PRDM14: variants seen among roughly 807,000 people sequenced by gnomAD.
PRDM14 encodes PR domain zinc finger protein 14.
Under a neutral mutation model 48.0 loss-of-function variants are expected in PRDM14, and 16 were observed. The ratio of observed to expected loss-of-function variants is 0.33; its 90% CI spans 0.23 to 0.51. PRDM14 has a LOEUF of 0.51. PRDM14 is among the 20% of genes least tolerant of loss of function. PRDM14 has a pLI of 0.97. For missense variants in PRDM14, 566 were observed against 719.6 expected, an observed-to-expected ratio of 0.79 and a Z score of 2.44; for synonymous variants, 264 against 276.6, an observed-to-expected ratio of 0.95 and a Z score of 0.45.
At chr8:70,056,066 C>T (rs1316279126) in intron 6 of PRDM14, among the ~76,000 whole-genome samples, 1 of 152,220 alleles carries the variant, frequency 6.6e-6, no homozygotes, top group Non-Finnish European at 1.5e-5. Flanking sequence ...GTGTGCTCCA[C>T]ACTGCTAGAA....
At chr8:70,061,505 G>A (rs1463271650) in intron 5 of PRDM14, among the ~76,000 whole-genome samples, 4 of 152,126 alleles carry the variant, frequency 2.6e-5, no homozygotes, top group African/African-American at 4.8e-5. Flanking sequence ...CTGATCCATC[G>A]CCCTGCTCTG....
chr8:70,069,460 A>G lies in PRDM14; in HGVS notation c.401T>C (p.Ile134Thr), dbSNP rs761463257. 3 of 1,578,560 alleles carry G rather than the reference A, an allele frequency of 1.9e-6. No homozygotes were observed. The highest frequency in any genetic ancestry group is 2.2e-5 in the East Asian group (1 of 44,476). Residue 134 changes from isoleucine (I) to threonine (T), a missense_variant, in exon 2 of 8, where the codon ATT becomes ACT. Ile to Thr is a moderately conservative substitution (Grantham distance 89). This residue lies in a region of PRDM14 where 410 missense variants were observed against 424.6 expected (regional missense o/e 0.97). Coordinates refer to ENST00000276594, the MANE Select transcript of PRDM14 (RefSeq NM_024504.4). ...CGGGCCACTCTCGTTGTCGCCACCA[A>G]TGATTTGGTGGCCCAGATCTTCACT... Reference protein sequence around the residue: ...ASSEDLGHQIIGGDNESGPCC... With the variant: ...ASSEDLGHQITGGDNESGPCC...
Position 70,068,215 on chromosome 8 carries a change from C to A in PRDM14, c.912+15G>T. 1 of 1,614,008 alleles carries A rather than the reference C, an allele frequency of 6.2e-7. No homozygotes were observed. The highest frequency in any genetic ancestry group is 8.5e-7 in the Non-Finnish European group (1 of 1,179,872). On this transcript the variant is annotated intron_variant, in intron 4 of 7. Coordinates refer to ENST00000276594, the MANE Select transcript of PRDM14 (RefSeq NM_024504.4). ...GCCCCATTTTCAGCAGCAGACCCAC[C>A]AGAAACAGATTTACCTCCCACATCA...
chr8:70,066,696 G>A (rs2131042158), intron 4 of PRDM14, among the ~76,000 whole-genome samples, 191 bp from the exon 5 acceptor site: 1 of 152,088 alleles, frequency 6.6e-6, no homozygotes, highest in East Asian at 1.9e-4. Context: ...TTAGTTTAAG[G>A]ACACCTCTCT....
In PRDM14 at chr8:70,056,626, T is replaced by C. The variant is rs535908966; in HGVS notation, c.1387-1225A>G. Reference sequence around the variant, plus strand: ...CCTCCCGAGTGGCTGGGACCACAGGTGCGCACCACATGCCCATCTCTACAA... The same window carrying C: ...CCTCCCGAGTGGCTGGGACCACAGGCGCGCACCACATGCCCATCTCTACAA... On this transcript the variant is annotated intron_variant, in intron 6 of 7. Coordinates refer to ENST00000276594, the MANE Select transcript of PRDM14 (RefSeq NM_024504.4). Among the ~76,000 whole-genome samples the C allele has an allele frequency of 2.6e-5, 4 of 151,786 alleles. No homozygotes were observed. The South Asian group carries it at 8.4e-4, about 32-fold the overall frequency.
At chr8:70,067,374 C>T (rs1805686329) in intron 4 of PRDM14, among the ~76,000 whole-genome samples, 1 of 151,904 alleles carries the variant, frequency 6.6e-6, no homozygotes, top group South Asian at 2.1e-4. Context: ...AAAAATTAGC[C>T]GGGCATGGTG....
rs766830052 is a variant in PRDM14 at position 70,052,321 on chromosome 8, T to C, written c.1489-17A>G. 1 of 1,574,752 alleles carries C rather than the reference T, an allele frequency of 6.4e-7. No homozygotes were observed. Among genetic ancestry groups the C allele is most frequent in the African/African-American group, 1.4e-5 (1 of 73,594 alleles). ...TGTGAACCTCTGCAGAGAACAGAAA[T>C]ACAGAACACAAGAAAAAGTCAACTT... is the stretch of plus-strand genomic sequence containing the variant. On this transcript the variant is annotated splice_polypyrimidine_tract_variant and intron_variant, in intron 7 of 7. Transcript: ENST00000276594.
At chr8:70,054,033 G>A (rs970611116) in intron 7 of PRDM14, among the ~76,000 whole-genome samples, 6 of 152,178 alleles carry the variant, frequency 3.9e-5, no homozygotes, top group African/African-American at 1.2e-4. Context: ...ACTTTACTTC[G>A]TCTTTACTAA....
intron 5 of PRDM14, among the ~76,000 whole-genome samples, chr8:70,061,294 A>G (rs1301252789): frequency 6.6e-6 from 1 of 152,044 alleles, no homozygotes; most frequent in Non-Finnish European, 1.5e-5. Flanking sequence ...TCATTGTTTG[A>G]CCCCAGGGAG....
At chr8:70,063,820 G>A (rs1805624273) in intron 5 of PRDM14, among the ~76,000 whole-genome samples, 1 of 152,190 alleles carries the variant, frequency 6.6e-6, no homozygotes, top group South Asian at 2.1e-4. Flanking sequence ...ACCACGCCCA[G>A]CCTGTTGACT....
chr8:70,064,586 G>A (rs1457389761), intron 5 of PRDM14, among the ~76,000 whole-genome samples: 2 of 149,554 alleles, frequency 1.3e-5, no homozygotes, highest in Admixed American at 6.7e-5. Flanking sequence ...GTGCAGTGGC[G>A]CAATCTCAGC....
At chr8:70,055,501 A>T in intron 6 of PRDM14, 100 bp from the exon 7 acceptor site, 6 of 598,618 alleles carry the variant, frequency 1.0e-5, no homozygotes, top group Admixed American at 6.0e-5. Context: ...CTCTTTTCCA[A>T]TTTTTTTCTT....
At chr8:70,067,780 A>C (rs2070406270) in intron 4 of PRDM14, among the ~76,000 whole-genome samples, 1 of 148,082 alleles carries the variant, frequency 6.8e-6, no homozygotes, top group Non-Finnish European at 1.5e-5. Flanking sequence ...CCACTAGCAT[A>C]TCCCTAATAT....
At chr8:70,057,914 TCA>T (rs1337631711) in intron 6 of PRDM14, among the ~76,000 whole-genome samples, 1 of 152,196 alleles carries the variant, frequency 6.6e-6, no homozygotes, top group Non-Finnish European at 1.5e-5. Flanking sequence ...GATTTTATTC[TCA>T]GTTTTCAAAA....
Position 70,065,301 on chromosome 8 carries a change from C to T in PRDM14, c.1183+934G>A, listed in dbSNP as rs1003642172. ...TACAGGTGTGAGCCACAGTATCCGGCCTGCCTTCTCTCTTATTTACAGGAA... is the reference window on the plus strand; with the variant it reads ...TACAGGTGTGAGCCACAGTATCCGGTCTGCCTTCTCTCTTATTTACAGGAA... On this transcript the variant is annotated intron_variant, in intron 5 of 7. Coordinates refer to ENST00000276594, the MANE Select transcript of PRDM14 (RefSeq NM_024504.4). Among the ~76,000 whole-genome samples the T allele has an allele frequency of 2.6e-5, 4 of 152,202 alleles. No individual in the cohort carries two copies. The East Asian group carries it at 7.7e-4, about 29-fold the overall frequency.
intron 7 of PRDM14, among the ~76,000 whole-genome samples, chr8:70,053,098 TAAAAAAAAAAA>T (rs71275048): frequency 1.2e-5 from 1 of 82,170 alleles, no homozygotes; most frequent in African/African-American, 4.8e-5. Flanking sequence ...ACCCTCTCTT[TAAAAAAAAAAA>T]AAAAAAAAAA....
At position 70,068,400 on chromosome 8, in the gene PRDM14, C is replaced by A. The variant is rs757993109; in HGVS notation, c.755-13G>T. On this transcript the variant is annotated splice_polypyrimidine_tract_variant and intron_variant, in intron 3 of 7. Coordinates refer to ENST00000276594, the MANE Select transcript of PRDM14 (RefSeq NM_024504.4). ...ATGAGGCATAGACCTAGGGGAAAGC[C>A]GAGGCAGGAAAAGAGAATGAGGAGA... is the stretch of plus-strand genomic sequence containing the variant. 1.9e-6 allele frequency: 3 copies of A among 1,614,002 alleles called. No individual in the cohort carries two copies. Among genetic ancestry groups the A allele is most frequent in the Non-Finnish European group, 1.7e-6 (2 of 1,179,998 alleles).
intron 6 of PRDM14, among the ~76,000 whole-genome samples, chr8:70,055,608 C>G (rs556909149): frequency 6.6e-6 from 1 of 151,698 alleles, no homozygotes; most frequent in African/African-American, 2.4e-5. Flanking sequence ...CAGGCTCAAG[C>G]GATCCTCCCA....
At chr8:70,067,877 C>T (rs1226590248) in intron 4 of PRDM14, among the ~76,000 whole-genome samples, 2 of 151,922 alleles carry the variant, frequency 1.3e-5, no homozygotes, top group East Asian at 3.9e-4. Flanking sequence ...AATTTTAAAA[C>T]TTGTTTTTAT....
Sources: allele counts gnomAD v4.1 joint callset (sites outside exome capture counted in the v4.1 genomes callset), GRCh38; gene constraint gnomAD v4.1.1; regional missense constraint gnomAD v4.1.1; transcripts MANE v1.5; gene names NCBI Gene and HGNC (gene_info 2026-07-23, HGNC 2026-07-21).